ATRN: variants seen among roughly 807,000 people sequenced by gnomAD.
The protein encoded by ATRN is attractin.
A neutral mutation model predicts 178.7 loss-of-function variants in ATRN; 54 were observed. That is an observed-to-expected ratio of 0.30 (90% CI 0.24 to 0.38). The LOEUF (loss-of-function observed/expected upper bound fraction) is 0.38, where lower values mean the gene tolerates loss of function less well. ATRN is among the 10% of genes least tolerant of loss of function. ATRN has a pLI of 1.00. For missense variants in ATRN, 1,443 were observed against 1,815.1 expected (o/e 0.79, Z 3.73); for synonymous variants, 636 against 663.0 (o/e 0.96, Z 0.63).
intron 1 of ATRN, among the ~76,000 whole-genome samples, chr20:3,493,491 C>T (rs968935170): frequency 2.6e-5 from 4 of 151,954 alleles, no homozygotes; most frequent in African/African-American, 9.7e-5. Flanking sequence ...GATAGGGTCT[C>T]ACAGTGTTGC....
intron 6 of ATRN, among the ~76,000 whole-genome samples, chr20:3,554,990 CTTTTTTTTTTTTTT>C (rs536209701): frequency 2.7e-4 from 18 of 67,458 alleles, no homozygotes; most frequent in Non-Finnish European, 3.2e-4. Context: ...GACCTGACCT[CTTTTTTTTTTTTTT>C]TTTTTTTTTT....
chr20:3,486,642 A>T (rs2084698443), intron 1 of ATRN, among the ~76,000 whole-genome samples: 1 of 152,280 alleles, frequency 6.6e-6, no homozygotes, highest in East Asian at 1.9e-4. Flanking sequence ...TTGGCCTCCC[A>T]AAGTGCTGGG....
chr20:3,473,624 G>C (rs1478272833), intron 1 of ATRN, among the ~76,000 whole-genome samples: 1 of 152,178 alleles, frequency 6.6e-6, no homozygotes, highest in African/African-American at 2.4e-5. Flanking sequence ...GGTGAGGCCA[G>C]GGCATTTTCC....
intron 25 of ATRN, among the ~76,000 whole-genome samples, chr20:3,633,958 C>A (rs1156305291): frequency 6.6e-6 from 1 of 152,140 alleles, no homozygotes; most frequent in African/African-American, 2.4e-5. Flanking sequence ...TAAATATCTG[C>A]TAACTTGAAT....
At chr20:3,519,510 A>G (rs1245207442) in intron 1 of ATRN, among the ~76,000 whole-genome samples, 1 of 152,232 alleles carries the variant, frequency 6.6e-6, no homozygotes, top group African/African-American at 2.4e-5. Flanking sequence ...ATGTATAAAG[A>G]TAGAAATCAT....
intron 25 of ATRN, among the ~76,000 whole-genome samples, chr20:3,625,956 G>T (rs1188763674): frequency 6.6e-6 from 1 of 152,118 alleles, no homozygotes; most frequent in East Asian, 1.9e-4. Context: ...CTGGGGGCAG[G>T]TGCTATGGCT....
chr20:3,615,666 G>A (rs1022684511), intron 24 of ATRN, among the ~76,000 whole-genome samples: 2 of 145,324 alleles, frequency 1.4e-5, no homozygotes, highest in African/African-American at 5.2e-5. Context: ...AGTGATTCTC[G>A]TGCCTCAGCC....
intron 15 of ATRN, among the ~76,000 whole-genome samples, chr20:3,579,879 T>C (rs1306873950): frequency 6.6e-6 from 1 of 152,180 alleles, no homozygotes; most frequent in Admixed American, 6.5e-5. Context: ...CTCGGCTGCC[T>C]GTGGCCTCTG....
At chr20:3,500,295 A>C (rs1209151382) in intron 1 of ATRN, among the ~76,000 whole-genome samples, 1 of 152,166 alleles carries the variant, frequency 6.6e-6, no homozygotes, top group Non-Finnish European at 1.5e-5. Flanking sequence ...AGGGATCTAG[A>C]ACTAGAAATA....
intron 26 of ATRN, 142 bp downstream of exon 26, chr20:3,634,531 C>A: frequency 1.5e-6 from 1 of 673,784 alleles, no homozygotes; most frequent in South Asian, 2.0e-5. Context: ...GCCCTTTCTG[C>A]AGTCCATGGT....
Position 3,576,891 on chromosome 20 carries a change from G to A in ATRN, c.2247G>A (p.Lys749=), listed in dbSNP as rs772878368. 1.2e-6 allele frequency: 2 copies of A among 1,613,974 alleles called. No individual in the cohort carries two copies. The highest frequency in any genetic ancestry group is 1.7e-5 in the Admixed American group (1 of 59,992). Residue 749 remains lysine, a synonymous_variant, in exon 14 of 29, where the codon AAG becomes AAA. Coordinates refer to ENST00000262919, the MANE Select transcript of ATRN (RefSeq NM_139321.3). The part of the protein sequence containing the change: ...ISIFRYENCP[K]DNPMYYCNKK... ...TTTTTAGGTATGAGAATTGCCCCAA[G>A]GATAACCCCATGTACTACTGTAACA...
intron 24 of ATRN, among the ~76,000 whole-genome samples, chr20:3,617,764 G>T (rs1479419505): frequency 6.6e-6 from 1 of 152,202 alleles, no homozygotes; most frequent in Non-Finnish European, 1.5e-5. Context: ...ACAGGAGCAT[G>T]CCTCTGCTGG....
chr20:3,506,443 G>A (rs2085045447), intron 1 of ATRN, among the ~76,000 whole-genome samples: 1 of 152,088 alleles, frequency 6.6e-6, no homozygotes, highest in African/African-American at 2.4e-5. Flanking sequence ...GGCCAACATG[G>A]TGAAACCCTG....
At chr20:3,576,070 T>G in intron 13 of ATRN, 122 bp downstream of exon 13, 1 of 1,170,548 alleles carries the variant, frequency 8.5e-7, no homozygotes, top group South Asian at 2.0e-5. Context: ...CTATTTGGAT[T>G]TTATTATCCC....
At chr20:3,479,578 A>C (rs951130577) in intron 1 of ATRN, among the ~76,000 whole-genome samples, 1 of 152,218 alleles carries the variant, frequency 6.6e-6, no homozygotes, top group African/African-American at 2.4e-5. Flanking sequence ...ATTATGGATT[A>C]TCATACTTAG....
chr20:3,535,055 G>T (rs2085506093), intron 1 of ATRN, among the ~76,000 whole-genome samples, 198 bp from the exon 2 acceptor site: 1 of 151,720 alleles, frequency 6.6e-6, no homozygotes, highest in African/African-American at 2.4e-5. Context: ...ATAAGTATTT[G>T]TTTCATCTAA....
Position 3,646,772 on chromosome 20 carries a change from A to G in ATRN, c.4215A>G (p.Ile1405Met), listed in dbSNP as rs1739892100. 1.2e-6 allele frequency: 2 copies of G among 1,608,866 alleles called. No homozygotes were observed. Among genetic ancestry groups the G allele is most frequent in the Non-Finnish European group, 8.5e-7 (1 of 1,177,610 alleles). The change falls in exon 29 of 29, where the codon ATA (isoleucine) becomes ATG (methionine). Residue 1405 changes from isoleucine to methionine, a missense_variant. Transcript: ENST00000262919. ...ALVDISQQMP[I>M]VYKEKSGAVR... ...TGGACATTTCTCAGCAGATGCCGAT[A>G]GTGTACAAGGAGAAGTCAGGAGCCG...
intron 1 of ATRN, among the ~76,000 whole-genome samples, chr20:3,478,967 C>T (rs1228284219): frequency 1.6e-5 from 2 of 128,808 alleles, no homozygotes; most frequent in Non-Finnish European, 3.2e-5. Context: ...ATTCTGTCAT[C>T]TAGGCTGGAG....
chr20:3,641,590 CAAAAAA>C (rs61692220), intron 27 of ATRN, among the ~76,000 whole-genome samples: 2 of 47,818 alleles, frequency 4.2e-5, no homozygotes, highest in African/African-American at 1.0e-4. Context: ...GACTCTGTCG[CAAAAAA>C]AAAAAAAAAA....
Sources: allele counts gnomAD v4.1 joint callset (sites outside exome capture counted in the v4.1 genomes callset), GRCh38; gene constraint gnomAD v4.1.1; transcripts MANE v1.5; gene names NCBI Gene and HGNC (gene_info 2026-07-23, HGNC 2026-07-21).